The following CSRNP3 variants were observed in gnomAD, a reference collection of about 807,000 sequenced individuals.
CSRNP3 encodes cysteine/serine-rich nuclear protein 3.
A neutral mutation model predicts 48.0 loss-of-function variants in CSRNP3; 12 were observed. The ratio of observed to expected loss-of-function variants is 0.25; its 90% CI spans 0.16 to 0.41. CSRNP3 has a LOEUF of 0.41. Among genes scored for constraint, CSRNP3 ranks in the 10% least tolerant of loss-of-function variants. The probability of loss-of-function intolerance (pLI) is 1.00; values close to 1 mark genes in which losing one functional copy is unlikely to be tolerated. For missense variants in CSRNP3, 580 were observed against 724.4 expected (o/e 0.80, Z 2.29); for synonymous variants, 263 against 269.7 (o/e 0.98, Z 0.24).
intron 4 of CSRNP3, among the ~76,000 whole-genome samples, chr2:165,651,738 C>A (rs1305968121): frequency 6.6e-6 from 1 of 151,556 alleles, no homozygotes; most frequent in Non-Finnish European, 1.5e-5. Flanking sequence ...TCACTGCAAC[C>A]TCTGCCTCCC....
In CSRNP3 at chr2:165,653,972, C is replaced by CAAAAAAAAAAAAAAA. The variant is rs71028497; in HGVS notation, c.149-3767_149-3753dup. ...GGGCAACAAGAGCGAAGCTCTATCA[C>CAAAAAAAAAAAAAAA]AAAAAAAAAAAAAAAAAAAAAAAAA... On this transcript the variant is annotated intron_variant, in intron 4 of 6. Transcript: ENST00000651982. 2.2e-4 allele frequency among the ~76,000 whole-genome samples: 9 copies of CAAAAAAAAAAAAAAA among 41,224 alleles called. 2 individuals are homozygous for CAAAAAAAAAAAAAAA. Among genetic ancestry groups the CAAAAAAAAAAAAAAA allele is most frequent in the African/African-American group, 7.9e-4 (8 of 10,116 alleles). The allele number at this position is 41,224 out of a possible 152,430, so 27.0% of individuals were successfully genotyped here.
chr2:165,519,337 C>T (rs1336287997), intron 3 of CSRNP3, among the ~76,000 whole-genome samples: 2 of 151,850 alleles, frequency 1.3e-5, no homozygotes, highest in African/African-American at 4.8e-5. Context: ...AAATCGTCTC[C>T]CCAATGACCT....
At chr2:165,573,226 CCTTTTATT>C (rs1685399271) in intron 3 of CSRNP3, among the ~76,000 whole-genome samples, 1 of 151,708 alleles carries the variant, frequency 6.6e-6, no homozygotes, top group Non-Finnish European at 1.5e-5. Flanking sequence ...TTGCACAAAA[CCTTTTATT>C]TTATAAATAT....
chr2:165,662,113 TAGATGTTATTTTGGAAACAAAATAA>T (rs1165647894), intron 5 of CSRNP3, among the ~76,000 whole-genome samples: 1 of 56,154 alleles, frequency 1.8e-5, no homozygotes, highest in African/African-American at 6.8e-5. Flanking sequence ...AGTACATCTA[TAGATGTTATTTTGGAAACAAAATAA>T]AGATGTTATT....
intron 4 of CSRNP3, among the ~76,000 whole-genome samples, chr2:165,651,228 G>A (rs1686897473): frequency 6.6e-6 from 1 of 152,150 alleles, no homozygotes; most frequent in African/African-American, 2.4e-5. Flanking sequence ...AATGGCTAAA[G>A]CACAAATCAG....
intron 3 of CSRNP3, among the ~76,000 whole-genome samples, chr2:165,522,593 T>C (rs943650427): frequency 6.6e-6 from 1 of 151,998 alleles, no homozygotes; most frequent in Non-Finnish European, 1.5e-5. Context: ...TTGGGGTGAT[T>C]ACATTGAGAC....
In CSRNP3 at chr2:165,657,848, A is replaced by C; in HGVS notation, c.236A>C (p.Gln79Pro). 1 of 1,614,152 alleles carries C rather than the reference A, an allele frequency of 6.2e-7. No homozygotes were observed. The highest frequency in any genetic ancestry group is 1.1e-5 in the South Asian group (1 of 91,080). ...CVTVYYFTRR[Q>P]GFTSVPSQGG... ...ACCGTGTACTACTTCACCAGGAGGC[A>C]AGGCTTCACAAGTGTGCCCAGTCAA... The change falls in exon 5 of 7, where the codon CAA becomes CCA. Residue 79 changes from glutamine (Q) to proline (P), a missense_variant. This residue lies in a region of CSRNP3 where 83 missense variants were observed against 139.6 expected (regional missense o/e 0.59). Coordinates refer to ENST00000651982, the MANE Select transcript of CSRNP3 (RefSeq NM_001172173.2).
In CSRNP3 at chr2:165,681,203, A is replaced by G. The variant is rs1238962860; in HGVS notation, c.*1450A>G. The G allele has an allele frequency of 1.3e-5, 2 of 152,136 alleles. No individual in the cohort carries two copies. The highest frequency in any genetic ancestry group is 4.8e-5 in the African/African-American group (2 of 41,440). 9.4% of individuals were successfully genotyped at this position (152,136 alleles called of 1,614,324 possible). ...ATTAATTTAGGTAACTAAATAGTGT[A>G]ATTCTGCCTTTTTTTTTCCAATGCA... On this transcript the variant is annotated 3_prime_UTR_variant, in exon 7 of 7. Transcript: ENST00000651982.
At chr2:165,483,771 G>A (rs572745793) in intron 1 of CSRNP3, among the ~76,000 whole-genome samples, 1 of 152,162 alleles carries the variant, frequency 6.6e-6, no homozygotes, top group East Asian at 1.9e-4. Flanking sequence ...AGGAAGGCAA[G>A]GGATCTCTTC....
At chr2:165,669,040 G>C (rs1233949852) in intron 5 of CSRNP3, among the ~76,000 whole-genome samples, 1 of 152,210 alleles carries the variant, frequency 6.6e-6, no homozygotes, top group African/African-American at 2.4e-5. Flanking sequence ...AATTAGGTGA[G>C]ATAATTTATA....
chr2:165,527,819 T>G (rs1014000883), intron 3 of CSRNP3, among the ~76,000 whole-genome samples: 4 of 152,064 alleles, frequency 2.6e-5, no homozygotes, highest in African/African-American at 9.7e-5. Flanking sequence ...AGTAGCCTTA[T>G]TATTTAAAGA....
chr2:165,510,477 C>A (rs2105226389), intron 2 of CSRNP3, among the ~76,000 whole-genome samples: 1 of 152,196 alleles, frequency 6.6e-6, no homozygotes, highest in African/African-American at 2.4e-5. Flanking sequence ...GCTCTTGTAT[C>A]CTTTTGACAT....
chr2:165,673,566 T>C (rs1452476659), intron 5 of CSRNP3, among the ~76,000 whole-genome samples: 2 of 152,230 alleles, frequency 1.3e-5, no homozygotes, highest in East Asian at 3.8e-4. Context: ...GCAGTTCATA[T>C]GACATACAGT....
rs762453522 is a variant in CSRNP3 at position 165,679,252 on chromosome 2, C to T, written c.1257C>T (p.His419=). The T allele has an allele frequency of 2.4e-5, 39 of 1,613,964 alleles. No homozygotes were observed. The Middle Eastern group carries it at 5.0e-4, about 20-fold the overall frequency. ...VLCYSDGTAV[H]ESHAKNASFY... ...GTTATTCTGATGGCACCGCCGTTCA[C>T]GAAAGCCATGCAAAGAATGCTTCTT... The change falls in exon 7 of 7, where the codon CAC becomes CAT. Residue 419 remains histidine, a synonymous_variant. Transcript: ENST00000651982.
intron 2 of CSRNP3, among the ~76,000 whole-genome samples, chr2:165,513,515 A>G (rs1574813834): frequency 6.6e-6 from 1 of 152,222 alleles, no homozygotes; most frequent in East Asian, 1.9e-4. Flanking sequence ...TTTTAAAGGC[A>G]GGAACAAGAT....
intron 2 of CSRNP3, among the ~76,000 whole-genome samples, chr2:165,513,658 T>A (rs1684538336): frequency 6.6e-6 from 1 of 152,248 alleles, no homozygotes; most frequent in Non-Finnish European, 1.5e-5. Flanking sequence ...CAGTGCTGGC[T>A]GGCTTGGCTG....
At chr2:165,490,532 T>C (rs1684189730) in intron 1 of CSRNP3, among the ~76,000 whole-genome samples, 1 of 141,108 alleles carries the variant, frequency 7.1e-6, no homozygotes, top group African/African-American at 2.7e-5. Context: ...GGCATCACAC[T>C]ACCTGACTTC....
chr2:165,604,552 A>G (rs954434961), intron 4 of CSRNP3, among the ~76,000 whole-genome samples: 14 of 152,216 alleles, frequency 9.2e-5, no homozygotes, highest in Admixed American at 1.3e-4. Flanking sequence ...ATCTGAATAC[A>G]TGTAATGATG....
intron 3 of CSRNP3, among the ~76,000 whole-genome samples, chr2:165,545,373 A>G (rs1233260069): frequency 1.3e-5 from 2 of 152,174 alleles, no homozygotes; most frequent in Non-Finnish European, 2.9e-5. Context: ...ATAATCCAGT[A>G]GAGAGTGAAA....
Sources: gnomAD v4.1 joint callset for allele counts (sites outside exome capture counted in the v4.1 genomes callset) on GRCh38, gnomAD v4.1.1 for gene constraint, gnomAD v4.1.1 regional missense constraint, MANE v1.5 for transcripts, NCBI Gene and HGNC (gene_info 2026-07-23, HGNC 2026-07-21) for gene names.